Variants in CCSER1 observed in about 807,000 individuals in gnomAD.
CCSER1 encodes the protein serine-rich coiled-coil domain-containing protein 1.
A neutral mutation model predicts 82.0 loss-of-function variants in CCSER1; 41 were observed. That is an observed-to-expected ratio of 0.50 (90% CI 0.39 to 0.65). The LOEUF is 0.65. Ranked by LOEUF, CCSER1 falls within the 30% of genes least tolerant of loss-of-function variation. The pLI is 0.00. For synonymous variants in CCSER1, 414 were observed against 383.9 expected (o/e 1.08, Z -0.92); for missense variants, 1,119 against 1,064.2 (o/e 1.05, Z -0.72).
intron 3 of CCSER1, among the ~76,000 whole-genome samples, chr4:90,397,289 C>A (rs1752093851): frequency 6.6e-6 from 1 of 152,100 alleles, no homozygotes; most frequent in Admixed American, 6.5e-5. Context: ...CGTGAATTTT[C>A]CAAATTTAGT....
chr4:90,501,862 CTT>C (rs1353810948), intron 5 of CCSER1, among the ~76,000 whole-genome samples: 1 of 151,946 alleles, frequency 6.6e-6, no homozygotes, highest in Admixed American at 6.6e-5. Flanking sequence ...TTTTTTTAAA[CTT>C]GATGTTAAAT....
chr4:90,534,278 C>T (rs1312945463), intron 5 of CCSER1, among the ~76,000 whole-genome samples: 11 of 152,026 alleles, frequency 7.2e-5, no homozygotes, highest in Admixed American at 1.3e-4. Flanking sequence ...TACAGGCGCC[C>T]GCCACCACGC....
At chr4:91,065,252 A>G (rs1323807221) in intron 9 of CCSER1, among the ~76,000 whole-genome samples, 1 of 152,194 alleles carries the variant, frequency 6.6e-6, no homozygotes. Context: ...AAAGATTTCA[A>G]TGACAAAGGT....
chr4:90,613,961 C>T (rs957151542), intron 5 of CCSER1, among the ~76,000 whole-genome samples: 4 of 152,110 alleles, frequency 2.6e-5, no homozygotes, highest in Admixed American at 6.6e-5. Flanking sequence ...CATTTTATTG[C>T]ACCTTGCTTT....
chr4:91,482,566 C>G (rs567369375), intron 10 of CCSER1, among the ~76,000 whole-genome samples: 1 of 151,940 alleles, frequency 6.6e-6, no homozygotes, highest in Non-Finnish European at 1.5e-5. Flanking sequence ...ACTAGAAATA[C>G]CATTTGACCC....
intron 7 of CCSER1, among the ~76,000 whole-genome samples, chr4:90,766,440 A>AT (rs1273924627): frequency 1.3e-5 from 2 of 152,160 alleles, no homozygotes; most frequent in Non-Finnish European, 2.9e-5. Context: ...AATCTATTTC[A>AT]TTTTAATATA....
intron 10 of CCSER1, among the ~76,000 whole-genome samples, chr4:91,178,486 G>C (rs1372801595): frequency 6.6e-6 from 1 of 152,108 alleles, no homozygotes; most frequent in Non-Finnish European, 1.5e-5. Flanking sequence ...ATGAATCTGG[G>C]TGCTCCTGTA....
intron 4 of CCSER1, chr4:90,404,083 C>T (rs1753340055): frequency 6.6e-6 from 1 of 152,284 alleles, no homozygotes; most frequent in African/African-American, 2.4e-5. Context: ...GTTCTGGTCA[C>T]TGGCTGCTTG....
At chr4:90,155,720 C>T (rs1462638757) in intron 1 of CCSER1, among the ~76,000 whole-genome samples, 4 of 150,486 alleles carry the variant, frequency 2.7e-5, no homozygotes, top group South Asian at 2.1e-4. Flanking sequence ...GGGATCGTAT[C>T]CCCTTTATCA....
At chr4:91,439,244 AC>A (rs1445715511) in intron 10 of CCSER1, among the ~76,000 whole-genome samples, 1 of 152,180 alleles carries the variant, frequency 6.6e-6, no homozygotes, top group Non-Finnish European at 1.5e-5. Context: ...AGGTCGGGTT[AC>A]CCCCAAAGGG....
chr4:91,463,131 A>G (rs1200443692), intron 10 of CCSER1, among the ~76,000 whole-genome samples: 3 of 152,150 alleles, frequency 2.0e-5, no homozygotes, highest in Non-Finnish European at 4.4e-5. Flanking sequence ...CTGACTCCCC[A>G]CATGGCCAAG....
intron 8 of CCSER1, among the ~76,000 whole-genome samples, chr4:90,840,818 A>G (rs1762483123): frequency 6.6e-6 from 1 of 152,002 alleles, no homozygotes; most frequent in African/African-American, 2.4e-5. Flanking sequence ...CAATTGTGGC[A>G]TTTCTCATCA....
chr4:90,251,667 G>T (rs1722404298), intron 1 of CCSER1, among the ~76,000 whole-genome samples: 1 of 151,602 alleles, frequency 6.6e-6, no homozygotes, highest in African/African-American at 2.4e-5. Context: ...AAAAGACATT[G>T]TTCTTTTCTT....
At chr4:91,088,834 G>C (rs1723646338) in intron 10 of CCSER1, among the ~76,000 whole-genome samples, 1 of 151,968 alleles carries the variant, frequency 6.6e-6, no homozygotes, top group Non-Finnish European at 1.5e-5. Flanking sequence ...AAATTCACTG[G>C]GTAAGACACA....
At chr4:90,188,405 A>C (rs1735013315) in intron 1 of CCSER1, among the ~76,000 whole-genome samples, 1 of 151,958 alleles carries the variant, frequency 6.6e-6, no homozygotes, top group East Asian at 1.9e-4. Context: ...GTCTTATATT[A>C]AGAAGTCTTC....
At chr4:90,628,002 G>GT in intron 5 of CCSER1, 23 bp from the exon 6 acceptor site, 1 of 1,545,956 alleles carries the variant, frequency 6.5e-7, no homozygotes, top group Non-Finnish European at 8.7e-7. Flanking sequence ...TGTAATTTTT[G>GT]TTCTTTTTTT....
chr4:90,978,225 G>A (rs1013817926), intron 9 of CCSER1, among the ~76,000 whole-genome samples: 4 of 151,544 alleles, frequency 2.6e-5, no homozygotes, highest in Non-Finnish European at 5.9e-5. Context: ...ATTCAAATGC[G>A]TCACTTAATC....
intron 10 of CCSER1, among the ~76,000 whole-genome samples, chr4:91,329,370 A>G (rs959182082): frequency 1.3e-5 from 2 of 152,226 alleles, no homozygotes; most frequent in African/African-American, 4.8e-5. Context: ...ATTCACAATA[A>G]AATGTTAAAC....
intron 10 of CCSER1, among the ~76,000 whole-genome samples, chr4:91,442,847 A>T (rs1050105461): frequency 4.6e-4 from 70 of 152,184 alleles, no homozygotes; most frequent in African/African-American, 1.5e-3. Context: ...GAAGACATTT[A>T]TGCAGCCAAA....
Sources: gnomAD v4.1 joint callset for allele counts (sites outside exome capture counted in the v4.1 genomes callset) on GRCh38, gnomAD v4.1.1 for gene constraint, MANE v1.5 for transcripts, NCBI Gene and HGNC (gene_info 2026-07-23, HGNC 2026-07-21) for gene names.